The following CLIP4 variants were observed in gnomAD, a reference collection of about 807,000 sequenced individuals.
The protein encoded by CLIP4 is CAP-Gly domain-containing linker protein 4.
In CLIP4, 47 loss-of-function variants were observed where a neutral mutation model predicts 73.1. The ratio of observed to expected loss-of-function variants is 0.64; its 90% CI spans 0.51 to 0.82. CLIP4 has a LOEUF of 0.82. Among genes scored for constraint, CLIP4 ranks in the 40% least tolerant of loss-of-function variants. The pLI is 0.00. For missense variants in CLIP4, 874 were observed against 852.9 expected (o/e 1.02, Z -0.31); for synonymous variants, 306 against 295.4 (o/e 1.04, Z -0.37).
intron 15 of CLIP4, among the ~76,000 whole-genome samples, chr2:29,177,407 C>CA (rs58183066): frequency 0.39 from 53,650 of 136,308 alleles, 11,828 homozygotes; most frequent in East Asian, 0.85. Flanking sequence ...GACTCCGTCT[C>CA]AAAAAAAAAA....
rs543402143 is a variant in CLIP4 at position 29,160,385 on chromosome 2, A to T, written c.1452A>T (p.Glu484Asp). 2.5e-6 allele frequency: 4 copies of T among 1,613,924 alleles called. No individual in the cohort carries two copies. Among genetic ancestry groups the T allele is most frequent in the African/African-American group, 1.3e-5 (1 of 74,962 alleles). The change falls in exon 12 of 16, where the codon GAA (glutamate) becomes GAT (aspartate). Residue 484 changes from glutamate (E) to aspartate (D), a missense_variant. Coordinates refer to ENST00000320081, the MANE Select transcript of CLIP4 (RefSeq NM_024692.6). ...STANNSRCEG[E>D]LRLGERVLVV... Reference sequence around the variant, plus strand: ...CAAATAATAGCCGTTGCGAGGGGGAACTCCGCCTCGGAGAGAGAGTGTTAG... The same window carrying T: ...CAAATAATAGCCGTTGCGAGGGGGATCTCCGCCTCGGAGAGAGAGTGTTAG...
intron 6 of CLIP4, among the ~76,000 whole-genome samples, chr2:29,136,303 C>T (rs574970567): frequency 2.2e-4 from 33 of 151,888 alleles, no homozygotes; most frequent in South Asian, 1.2e-3. Context: ...TGTGTGTGAG[C>T]GGCAGATAGT....
intron 2 of CLIP4, among the ~76,000 whole-genome samples, chr2:29,127,306 G>A (rs541274067): frequency 2.0e-4 from 30 of 152,010 alleles, no homozygotes; most frequent in African/African-American, 7.0e-4. Flanking sequence ...GCCCAATTGT[G>A]TCCTGTTACA....
intron 1 of CLIP4, among the ~76,000 whole-genome samples, chr2:29,105,697 T>C (rs1668181284): frequency 6.6e-6 from 1 of 152,174 alleles, no homozygotes; most frequent in Admixed American, 6.5e-5. Flanking sequence ...TAGTCCCCAT[T>C]GTGAGGGGTT....
intron 1 of CLIP4, among the ~76,000 whole-genome samples, chr2:29,119,963 A>G (rs771710503): frequency 1.7e-4 from 26 of 152,260 alleles, no homozygotes; most frequent in Middle Eastern, 3.4e-3. Context: ...CTGTTAACTC[A>G]TTTTTGTATT....
In CLIP4 at chr2:29,167,541, G is replaced by GTAT; in HGVS notation, c.1723+3_1723+4insTTA. On this transcript the variant is annotated splice_donor_variant, in intron 14 of 15. Coordinates refer to ENST00000320081, the MANE Select transcript of CLIP4 (RefSeq NM_024692.6). LOFTEE classifies it high-confidence loss of function. ...AATAAACAGAACCATTCTTATCCTG[G>GTAT]TAAGACTACACAGTTTTGTGTTCCT... 5.0e-6 allele frequency: 8 copies of GTAT among 1,593,186 alleles called. No individual in the cohort carries two copies. The highest frequency in any genetic ancestry group is 6.8e-6 in the Non-Finnish European group (8 of 1,169,994).
At chr2:29,142,849 A>G in intron 6 of CLIP4, among the ~76,000 whole-genome samples, 1 of 152,214 alleles carries the variant, frequency 6.6e-6, no homozygotes, top group East Asian at 1.9e-4. Context: ...GTTTTTGGTT[A>G]GGGAATGTAA....
chr2:29,169,176 G>C (rs1323008600), intron 14 of CLIP4, among the ~76,000 whole-genome samples: 1 of 152,174 alleles, frequency 6.6e-6, no homozygotes, highest in Non-Finnish European at 1.5e-5. Flanking sequence ...ACCACAGACT[G>C]GGTGGTTGAA....
At position 29,157,270 on chromosome 2, in the gene CLIP4, C is replaced by A. The variant is rs1666986466; in HGVS notation, c.1322C>A (p.Pro441His). ...TCTTTGGAACACAGACAGAGCTACC[C>A]CAAGAAACAGAATGCAATCAGCAGT... ...TSSLEHRQSY[P>H]KKQNAISSNK... The change falls in exon 11 of 16, where the codon CCC (proline) becomes CAC (histidine). Residue 441 changes from proline (P) to histidine (H), a missense_variant. Coordinates refer to ENST00000320081, the MANE Select transcript of CLIP4 (RefSeq NM_024692.6). 1.2e-6 allele frequency: 2 copies of A among 1,613,934 alleles called. No individual in the cohort carries two copies. The highest frequency in any genetic ancestry group is 3.3e-5 in the Admixed American group (2 of 59,986).
chr2:29,109,438 A>G (rs1668325039), intron 1 of CLIP4, among the ~76,000 whole-genome samples: 1 of 152,230 alleles, frequency 6.6e-6, no homozygotes, highest in Admixed American at 6.5e-5. Flanking sequence ...GTTGCAACAC[A>G]TATAATGTAT....
intron 2 of CLIP4, among the ~76,000 whole-genome samples, chr2:29,125,081 C>T (rs1558520573): frequency 6.6e-6 from 1 of 152,060 alleles, no homozygotes; most frequent in Non-Finnish European, 1.5e-5. Context: ...CTTTGAGGTC[C>T]TACTTTTCTG....
chr2:29,122,578 T>A (rs1572885012), intron 2 of CLIP4, among the ~76,000 whole-genome samples: 1 of 152,278 alleles, frequency 6.6e-6, no homozygotes, highest in Middle Eastern at 3.4e-3. Context: ...GCTCAATGAT[T>A]GTTGAATAAA....
intron 1 of CLIP4, among the ~76,000 whole-genome samples, chr2:29,104,831 A>G (rs1315883062): frequency 6.6e-6 from 1 of 152,212 alleles, no homozygotes; most frequent in Non-Finnish European, 1.5e-5. Context: ...CTGAGCCTTG[A>G]GAGGCATCCT....
At chr2:29,176,385 C>T (rs1668346825) in intron 15 of CLIP4, among the ~76,000 whole-genome samples, 1 of 152,160 alleles carries the variant, frequency 6.6e-6, no homozygotes, top group Non-Finnish European at 1.5e-5. Context: ...ATAAATGATA[C>T]TTTGAGAAGA....
Position 29,143,880 on chromosome 2 carries a change from G to T in CLIP4, c.820G>T (p.Gly274Cys), listed in dbSNP as rs947379276. 2.5e-6 allele frequency: 4 copies of T among 1,614,012 alleles called. No homozygotes were observed. The highest frequency in any genetic ancestry group is 3.4e-6 in the Non-Finnish European group (4 of 1,180,012). The change falls in exon 7 of 16, where the codon GGC becomes TGC. Residue 274 changes from glycine to cysteine, a missense_variant. By Grantham distance (159) the Gly-to-Cys change is radical (BLOSUM62 -3). Transcript: ENST00000320081. Reference protein sequence around the residue: ...AMLPNYDHVTGKAMLTSLGLK... With the variant: ...AMLPNYDHVTCKAMLTSLGLK... ...GCTCCCAAATTATGATCATGTCACT[G>T]GCAAGGCAATGCTTACGTCACTTGG...
chr2:29,137,709 T>A (rs1199748325), intron 6 of CLIP4, among the ~76,000 whole-genome samples: 3 of 152,296 alleles, frequency 2.0e-5, no homozygotes, highest in Non-Finnish European at 2.9e-5. Context: ...ATAATGGCCA[T>A]TCTGACTGGT....
intron 1 of CLIP4, among the ~76,000 whole-genome samples, chr2:29,109,584 G>A (rs778311194): frequency 1.3e-5 from 2 of 152,090 alleles, no homozygotes; most frequent in Non-Finnish European, 2.9e-5. Context: ...ATCCTACAGA[G>A]TTATAGAGCA....
At chr2:29,146,743 C>T (rs960643250) in intron 8 of CLIP4, among the ~76,000 whole-genome samples, 1 of 152,080 alleles carries the variant, frequency 6.6e-6, no homozygotes, top group Non-Finnish European at 1.5e-5. Context: ...CTTTACTTAC[C>T]AGCTATGTGA....
At chr2:29,107,542 T>G (rs1261329748) in intron 1 of CLIP4, among the ~76,000 whole-genome samples, 3 of 150,284 alleles carry the variant, frequency 2.0e-5, no homozygotes. Flanking sequence ...CGGCTAATTT[T>G]TTTGTATTTT....
Sources: allele counts gnomAD v4.1 joint callset (sites outside exome capture counted in the v4.1 genomes callset), GRCh38; gene constraint gnomAD v4.1.1; transcripts MANE v1.5; gene names NCBI Gene and HGNC (gene_info 2026-07-23, HGNC 2026-07-21).